The following NCOA2 variants were observed in gnomAD, a reference collection of about 807,000 sequenced individuals.
The protein encoded by NCOA2 is nuclear receptor coactivator 2, also known as class E basic helix-loop-helix protein 75.
A neutral mutation model predicts 145.1 loss-of-function variants in NCOA2; 21 were observed. The observed-to-expected ratio is 0.14, with a 90% CI of 0.10 to 0.21. The LOEUF (loss-of-function observed/expected upper bound fraction) is 0.21. Among genes scored for constraint, NCOA2 ranks in the 10% least tolerant of loss-of-function variants. The pLI is 1.00. For synonymous variants in NCOA2, 619 were observed against 637.5 expected (o/e 0.97, Z 0.44); for missense variants, 1,472 against 1,837.6 (o/e 0.80, Z 3.64).
rs569333436 is a variant in NCOA2, at chr8:70,301,391, C to A, written c.-76-4591G>T. Among the ~76,000 whole-genome samples the A allele has an allele frequency of 1.2e-4, 18 of 152,020 alleles. No homozygotes were observed. In the South Asian group the frequency reaches 3.7e-3, roughly 32 times the overall value. ...GTCTGTTGCAGGGCATGGTGGCTCC[C>A]GCCTGTACTCCCAACACTTTGGGAG... On this transcript the variant is annotated intron_variant, in intron 1 of 22. Transcript: ENST00000452400.
chr8:70,169,890 A>AATC (rs56144437), intron 6 of NCOA2, among the ~76,000 whole-genome samples: 25,749 of 149,834 alleles, frequency 0.17, 2,611 homozygotes, highest in East Asian at 0.47. Context: ...TGCCAAGCAA[A>AATC]ATCATCATCA....
At chr8:70,181,686 G>A (rs891492588) in intron 4 of NCOA2, among the ~76,000 whole-genome samples, 4 of 152,194 alleles carry the variant, frequency 2.6e-5, no homozygotes, top group African/African-American at 9.6e-5. Context: ...TTCAAAGTGA[G>A]TAAAATCACT....
chr8:70,403,298 C>T (rs947732669), intron 1 of NCOA2, among the ~76,000 whole-genome samples: 26 of 151,182 alleles, frequency 1.7e-4, no homozygotes, highest in African/African-American at 5.6e-4. Context: ...GGGGCGGGGG[C>T]CGCGCCCGCA....
chr8:70,233,378 C>A (rs113139821), intron 2 of NCOA2, among the ~76,000 whole-genome samples: 1 of 152,176 alleles, frequency 6.6e-6, no homozygotes, highest in Non-Finnish European at 1.5e-5. Context: ...AATCATCTCA[C>A]ATCCATTCAG....
intron 11 of NCOA2, among the ~76,000 whole-genome samples, chr8:70,150,951 T>C (rs1007995869): frequency 6.6e-6 from 1 of 152,196 alleles, no homozygotes; most frequent in Non-Finnish European, 1.5e-5. Context: ...GTCATGAAGA[T>C]AGATCAGAAA....
intron 2 of NCOA2, among the ~76,000 whole-genome samples, chr8:70,236,286 A>T (rs1263878745): frequency 6.6e-6 from 1 of 152,086 alleles, no homozygotes; most frequent in East Asian, 1.9e-4. Flanking sequence ...CTTGATTAAA[A>T]TCCTTCAATA....
chr8:70,133,068 A>G (rs1197603021), intron 15 of NCOA2, among the ~76,000 whole-genome samples: 1 of 149,522 alleles, frequency 6.7e-6, no homozygotes, highest in Non-Finnish European at 1.5e-5. Context: ...AGAGTAGAGG[A>G]GGGGTGTGTG....
intron 2 of NCOA2, among the ~76,000 whole-genome samples, chr8:70,237,316 C>A (rs934340977): frequency 7.2e-5 from 11 of 152,184 alleles, no homozygotes; most frequent in Non-Finnish European, 1.2e-4. Flanking sequence ...GACTCTAAGC[C>A]TGTACTCTTT....
At chr8:70,431,757 GA>G in the NCOA2 span, among the ~76,000 whole-genome samples, 39 of 152,138 alleles carry the variant, frequency 2.6e-4, 2 homozygotes, top group Admixed American at 2.6e-3. Flanking sequence ...GTTTGTATAT[GA>G]ATTTTAATTA....
intron 4 of NCOA2, among the ~76,000 whole-genome samples, chr8:70,208,757 T>G (rs115079961): frequency 0.011 from 1,740 of 152,346 alleles, 42 homozygotes; most frequent in African/African-American, 0.04. Flanking sequence ...GTTTACTGAC[T>G]ATTTTAAGCC....
intron 2 of NCOA2, among the ~76,000 whole-genome samples, chr8:70,221,749 AT>A (rs1820153867): frequency 6.6e-6 from 1 of 152,230 alleles, no homozygotes; most frequent in Non-Finnish European, 1.5e-5. Flanking sequence ...CAAGGATATA[AT>A]GTTGATTCAT....
chr8:70,136,557 A>C (rs1809758708), intron 15 of NCOA2, among the ~76,000 whole-genome samples: 1 of 151,826 alleles, frequency 6.6e-6, no homozygotes, highest in Non-Finnish European at 1.5e-5. Flanking sequence ...AAGGAAAAAA[A>C]AAAAAACCCA....
intron 1 of NCOA2, among the ~76,000 whole-genome samples, chr8:70,371,110 AC>A (rs1811175132): frequency 6.6e-6 from 1 of 151,938 alleles, no homozygotes; most frequent in East Asian, 1.9e-4. Context: ...ACACAGTGAA[AC>A]CCCCGTCTCT....
intron 4 of NCOA2, among the ~76,000 whole-genome samples, chr8:70,197,395 C>T (rs1817439034): frequency 2.6e-5 from 4 of 152,218 alleles, no homozygotes; most frequent in Non-Finnish European, 5.9e-5. Flanking sequence ...AAGCTGGACC[C>T]CCACTGGCCT....
At chr8:70,455,901 C>T in the NCOA2 span, among the ~76,000 whole-genome samples, 2 of 151,942 alleles carry the variant, frequency 1.3e-5, no homozygotes, top group South Asian at 4.1e-4. Flanking sequence ...TCTAATTTTT[C>T]CAAGCATTAC....
intron 1 of NCOA2, among the ~76,000 whole-genome samples, chr8:70,363,138 C>T (rs12335248): frequency 0.049 from 7,279 of 148,692 alleles, 238 homozygotes; most frequent in Non-Finnish European, 0.079. Context: ...AATCCCAGCA[C>T]TTTGGGACGC....
intron 2 of NCOA2, among the ~76,000 whole-genome samples, chr8:70,282,781 G>T (rs760571541): frequency 2.0e-4 from 30 of 151,264 alleles, no homozygotes; most frequent in Non-Finnish European, 2.2e-4. Context: ...GTTCAATATT[G>T]CTAATAAGAG....
chr8:70,224,341 T>C (rs1186606864), intron 2 of NCOA2, among the ~76,000 whole-genome samples: 1 of 152,254 alleles, frequency 6.6e-6, no homozygotes, highest in African/African-American at 2.4e-5. Flanking sequence ...AATTGGTTAA[T>C]TTAAAAAGTC....
intron 9 of NCOA2, among the ~76,000 whole-genome samples, chr8:70,160,107 G>A (rs771118828): frequency 8.6e-4 from 131 of 152,258 alleles, no homozygotes; most frequent in Middle Eastern, 6.8e-3. Context: ...CATTTAATAT[G>A]TTCTCTGAAT....
Sources: allele counts gnomAD v4.1 joint callset (sites outside exome capture counted in the v4.1 genomes callset), GRCh38; gene constraint gnomAD v4.1.1; transcripts MANE v1.5; gene names NCBI Gene and HGNC (gene_info 2026-07-23, HGNC 2026-07-21).